The following IRGM variants were observed in gnomAD, a reference collection of about 807,000 sequenced individuals.
The protein encoded by IRGM is immunity related GTPase M, also known as immunity-related GTPase family M protein.
For missense variants in IRGM, 288 were observed against 219.9 expected, an observed-to-expected ratio of 1.31 and a Z score of -1.96; for synonymous variants, 98 against 80.6, an observed-to-expected ratio of 1.22 and a Z score of -1.16.
intron 1 of IRGM, among the ~76,000 whole-genome samples, chr5:150,875,422 G>A (rs1754349532): frequency 6.6e-6 from 1 of 152,214 alleles, no homozygotes; most frequent in Non-Finnish European, 1.5e-5. Flanking sequence ...GATGGTTAGT[G>A]ACTTGCAAGA....
intron 3 of IRGM, chr5:150,896,017 G>C: frequency 6.2e-7 from 1 of 1,613,462 alleles, no homozygotes. Context: ...CACTCATACG[G>C]CTTCTCTCCA....
intron 1 of IRGM, among the ~76,000 whole-genome samples, chr5:150,857,705 G>T (rs558690148): frequency 6.6e-6 from 1 of 151,596 alleles, no homozygotes. Context: ...TTTCATGTGT[G>T]TTTTGGCTGC....
chr5:150,860,890 T>G (rs939957639), intron 1 of IRGM, among the ~76,000 whole-genome samples: 2 of 152,236 alleles, frequency 1.3e-5, no homozygotes, highest in African/African-American at 4.8e-5. Flanking sequence ...AAACTGATTT[T>G]TTTTTCAGAG....
chr5:150,899,028 C>T (rs960377784), intron 3 of IRGM, among the ~76,000 whole-genome samples: 1 of 151,780 alleles, frequency 6.6e-6, no homozygotes. Flanking sequence ...GTGTCCTCAT[C>T]CAAAGGGGGA....
chr5:150,863,049 A>G (rs564876683), intron 1 of IRGM, among the ~76,000 whole-genome samples: 5 of 152,356 alleles, frequency 3.3e-5, no homozygotes, highest in African/African-American at 1.2e-4. Context: ...ACAAAACAGT[A>G]GAGACATGGA....
Position 150,847,695 on chromosome 5 carries a change from T to G in IRGM, c.-415-14T>G. 1 of 175,554 alleles carries G rather than the reference T, an allele frequency of 5.7e-6. No homozygotes were observed. The highest frequency in any genetic ancestry group is 1.2e-5 in the Non-Finnish European group (1 of 80,748). The allele number at this position is 175,554 out of a possible 1,614,324, so 10.9% of individuals were successfully genotyped here. Reference sequence around the variant, plus strand: ...CCTGTCCATCCTAACTCACCTGCTCTTCTACTTCCGCAGCTTACTCCAGTG... The same window carrying G: ...CCTGTCCATCCTAACTCACCTGCTCGTCTACTTCCGCAGCTTACTCCAGTG... On this transcript the variant is annotated splice_polypyrimidine_tract_variant and intron_variant, in intron 1 of 1. Transcript: ENST00000522154.
chr5:150,877,125 A>G (rs964680936), intron 1 of IRGM, among the ~76,000 whole-genome samples: 1 of 152,174 alleles, frequency 6.6e-6, no homozygotes, highest in Non-Finnish European at 1.5e-5. Context: ...GTATGGTTTC[A>G]GGAGATGTAT....
chr5:150,890,028 T>C (rs562706947), intron 3 of IRGM, among the ~76,000 whole-genome samples: 1 of 152,078 alleles, frequency 6.6e-6, no homozygotes, highest in South Asian at 2.1e-4. Context: ...TGACCTAATA[T>C]AATGAATTGG....
intron 1 of IRGM, among the ~76,000 whole-genome samples, chr5:150,873,115 C>T (rs528609686): frequency 6.6e-6 from 1 of 152,214 alleles, no homozygotes; most frequent in African/African-American, 2.4e-5. Flanking sequence ...CCATAATGGA[C>T]AGCAGAGGCA....
intron 1 of IRGM, among the ~76,000 whole-genome samples, chr5:150,865,160 T>C (rs1026663130): frequency 1.3e-5 from 2 of 152,226 alleles, no homozygotes; most frequent in African/African-American, 4.8e-5. Flanking sequence ...CCAGTAAGCG[T>C]TAACATTATT....
At chr5:150,874,199 A>G (rs1053597702) in intron 1 of IRGM, among the ~76,000 whole-genome samples, 1 of 152,240 alleles carries the variant, frequency 6.6e-6, no homozygotes, top group Non-Finnish European at 1.5e-5. Flanking sequence ...TTTGGGGTAT[A>G]TCAACTCTCC....
chr5:150,874,850 G>C (rs577853432), intron 1 of IRGM, among the ~76,000 whole-genome samples: 2 of 152,284 alleles, frequency 1.3e-5, no homozygotes, highest in Admixed American at 1.3e-4. Flanking sequence ...CTCTCCTTTT[G>C]AGAGACAGCT....
chr5:150,883,754 TC>T (rs766080980), intron 3 of IRGM, among the ~76,000 whole-genome samples: 4 of 151,822 alleles, frequency 2.6e-5, no homozygotes, highest in Non-Finnish European at 5.9e-5. Flanking sequence ...AGAAAAAGTC[TC>T]CCACCAAAGA....
At chr5:150,864,790 T>A (rs2113269398) in intron 1 of IRGM, among the ~76,000 whole-genome samples, 1 of 152,350 alleles carries the variant, frequency 6.6e-6, no homozygotes, top group Non-Finnish European at 1.5e-5. Context: ...AAATGCAATT[T>A]CAATGGGTGT....
chr5:150,897,032 G>C (rs1409936521), intron 3 of IRGM: 2 of 1,350,850 alleles, frequency 1.5e-6, no homozygotes, highest in African/African-American at 2.9e-5. Context: ...AGAGGGTAAA[G>C]AAGTAGAACA....
chr5:150,867,960 C>A (rs1374535581), intron 1 of IRGM, among the ~76,000 whole-genome samples: 1 of 151,566 alleles, frequency 6.6e-6, no homozygotes, highest in Non-Finnish European at 1.5e-5. Context: ...CTGATTATTT[C>A]TTTTGCTGTG....
At chr5:150,881,478 AAG>A (rs756636668) in intron 3 of IRGM, among the ~76,000 whole-genome samples, 1 of 152,162 alleles carries the variant, frequency 6.6e-6, no homozygotes, top group Non-Finnish European at 1.5e-5. Flanking sequence ...AAAAATGCTA[AAG>A]AGAGTTATTC....
intron 3 of IRGM, among the ~76,000 whole-genome samples, chr5:150,885,883 C>T (rs764706711): frequency 3.3e-5 from 5 of 152,038 alleles, no homozygotes; most frequent in Non-Finnish European, 7.4e-5. Flanking sequence ...TACTTCTTCC[C>T]TTCCTCTTTG....
At chr5:150,895,487 C>A (rs1490911535) in intron 3 of IRGM, 1 of 1,613,130 alleles carries the variant, frequency 6.2e-7, no homozygotes, top group East Asian at 2.2e-5. Context: ...GGATGAAGGC[C>A]TTCCCACATA....
Sources: allele counts gnomAD v4.1 joint callset (sites outside exome capture counted in the v4.1 genomes callset), GRCh38; gene constraint gnomAD v4.1.1; transcripts MANE v1.5; gene names NCBI Gene and HGNC (gene_info 2026-07-23, HGNC 2026-07-21).